The following ZNF345 variants were observed in gnomAD, a reference collection of about 807,000 sequenced individuals.
The protein encoded by ZNF345 is zinc finger protein HZF10.
For missense variants in ZNF345, 527 were observed against 589.9 expected, an observed-to-expected ratio of 0.89 and a Z score of 1.10; for synonymous variants, 166 against 187.9, an observed-to-expected ratio of 0.88 and a Z score of 0.95.
In ZNF345 at chr19:36,878,455, A is replaced by T. The variant is rs2072936963; in HGVS notation, c.*158A>T. Reference sequence around the variant, plus strand: ...TACAGGAAAAAAATCACCCCAAATAAAATAAATATTTGAAGATCCTTATCT... The same window carrying T: ...TACAGGAAAAAAATCACCCCAAATATAATAAATATTTGAAGATCCTTATCT... On this transcript the variant is annotated 3_prime_UTR_variant, in exon 3 of 3. Transcript: ENST00000420450. 1.9e-6 allele frequency: 1 copy of T among 537,056 alleles called. No individual in the cohort carries two copies. Among genetic ancestry groups the T allele is most frequent in the Admixed American group, 3.8e-5 (1 of 26,386 alleles). 33.3% of individuals were successfully genotyped at this position (537,056 alleles called of 1,614,324 possible). A position where few individuals can be genotyped will look rare whatever the true frequency, so the allele number is the denominator to read the frequency against.
intron 1 of ZNF345, chr19:36,851,296 AT>A (rs2072258032): frequency 6.6e-6 from 1 of 151,426 alleles, no homozygotes; most frequent in Non-Finnish European, 1.5e-5. Context: ...GTATGCCTTA[AT>A]TTTGAGGTTT....
chr19:36,892,939 G>A, exon 4 of ZNF345: 1 of 760,080 alleles, frequency 1.3e-6, no homozygotes. Flanking sequence ...CCATGGAGGA[G>A]GACAGGCCAG....
chr19:36,887,377 A>G (rs2073008231), intron 3 of ZNF345, among the ~76,000 whole-genome samples: 1 of 152,222 alleles, frequency 6.6e-6, no homozygotes, highest in African/African-American at 2.4e-5. Flanking sequence ...TAATGTACCA[A>G]TACTTGTTAA....
At chr19:36,889,477 AG>A (rs2073029930) in intron 3 of ZNF345, 3 of 152,120 alleles carry the variant, frequency 2.0e-5, no homozygotes, top group African/African-American at 7.2e-5. Context: ...TTCAATACTC[AG>A]TAGTCTGTTG....
intron 2 of ZNF345, among the ~76,000 whole-genome samples, chr19:36,871,196 G>A (rs2072764200): frequency 6.6e-6 from 1 of 152,084 alleles, no homozygotes; most frequent in Non-Finnish European, 1.5e-5. Context: ...CAGTCCTCTG[G>A]GTACTCTTTT....
At chr19:36,886,499 G>A (rs182310873) in intron 3 of ZNF345, among the ~76,000 whole-genome samples, 16 of 152,270 alleles carry the variant, frequency 1.1e-4, no homozygotes, top group South Asian at 4.1e-4. Flanking sequence ...AGATCTTAGC[G>A]GAGGAACATT....
intron 2 of ZNF345, among the ~76,000 whole-genome samples, chr19:36,863,209 T>C (rs1254571312): frequency 6.6e-6 from 1 of 152,152 alleles, no homozygotes; most frequent in Non-Finnish European, 1.5e-5. Flanking sequence ...TATGCTGAGA[T>C]TGGACCCTCA....
chr19:36,872,332 T>A (rs1287627001), intron 2 of ZNF345, among the ~76,000 whole-genome samples: 2 of 152,106 alleles, frequency 1.3e-5, no homozygotes, highest in East Asian at 1.9e-4. Flanking sequence ...TATGTTGAAA[T>A]TTTCCCCCCA....
rs559536753 is a variant in ZNF345 at position 36,878,381 on chromosome 19, A to G, written c.*84A>G. 6.8e-6 allele frequency: 9 copies of G among 1,323,448 alleles called. No homozygotes were observed. Among genetic ancestry groups the G allele is most frequent in the East Asian group, 4.7e-5 (2 of 42,788 alleles). The allele number at this position is 1,323,448 out of a possible 1,614,324, so 82.0% of individuals were successfully genotyped here. ...AAATCTCTACAAATAGAACTAAGGT[A>G]CAAATGCCTTACTTATGCTTCACAG... On this transcript the variant is annotated 3_prime_UTR_variant, in exon 3 of 3. Transcript: ENST00000420450.
chr19:36,873,770 C>T (rs547831), intron 2 of ZNF345, among the ~76,000 whole-genome samples: 12,410 of 151,622 alleles, frequency 0.082, 1,419 homozygotes, highest in African/African-American at 0.26. Context: ...CGTAGCATAA[C>T]GTCCTCCAGT....
downstream of ZNF345, among the ~76,000 whole-genome samples, chr19:36,881,601 G>A (rs1047850197): frequency 2.6e-5 from 4 of 152,042 alleles, no homozygotes; most frequent in African/African-American, 9.7e-5. Flanking sequence ...AAGAGCAAAA[G>A]ATGAAAATAT....
chr19:36,888,985 T>G (rs2073024725), intron 3 of ZNF345: 1 of 152,238 alleles, frequency 6.6e-6, no homozygotes, highest in South Asian at 2.1e-4. Context: ...TCAGCCAGAC[T>G]GGTCTCAAAC....
At chr19:36,891,613 G>A in intron 3 of ZNF345, 2 of 1,613,674 alleles carry the variant, frequency 1.2e-6, no homozygotes, top group Non-Finnish European at 1.7e-6. Flanking sequence ...AGTAAGATTT[G>A]AGCCTTTATT....
At chr19:36,892,438 GATA>G (rs1283816851) in intron 3 of ZNF345, 1 of 1,599,032 alleles carries the variant, frequency 6.3e-7, no homozygotes, top group African/African-American at 1.3e-5. Flanking sequence ...CTTCTTTAGA[GATA>G]ATATTTTGGT....
chr19:36,876,912 C>G lies in ZNF345; in HGVS notation c.82C>G (p.Gln28Glu). Residue 28 changes from glutamine to glutamate, a missense_variant, in exon 3 of 3, where the codon CAG (glutamine) becomes GAG (glutamate). Gln to Glu is a conservative substitution (Grantham distance 29). Coordinates refer to ENST00000420450, the MANE Select transcript of ZNF345 (RefSeq NM_001242472.2). ...ATGTAAAAACCAGTTTGAGAGAAAA[C>G]AGGGATCTCAGGAAGGACATTTCAG... is the stretch of plus-strand genomic sequence containing the variant. Reference protein sequence around the residue: ...WECKNQFERKQGSQEGHFSEM... With the variant: ...WECKNQFERKEGSQEGHFSEM... 6.2e-7 allele frequency: 1 copy of G among 1,614,020 alleles called. No individual in the cohort carries two copies. The highest frequency in any genetic ancestry group is 8.5e-7 in the Non-Finnish European group (1 of 1,179,954).
At chr19:36,892,688 A>G in intron 3 of ZNF345, 1 of 618,242 alleles carries the variant, frequency 1.6e-6, no homozygotes, top group Non-Finnish European at 2.7e-6. Flanking sequence ...GATGACCTCT[A>G]TGATCCTCAA....
chr19:36,868,193 A>G (rs1393327432), intron 2 of ZNF345, among the ~76,000 whole-genome samples: 1 of 152,038 alleles, frequency 6.6e-6, no homozygotes, highest in African/African-American at 2.4e-5. Context: ...TAGTAGAGAC[A>G]GGGTTTTACC....
chr19:36,852,376 G>A (rs1185049126), intron 2 of ZNF345, among the ~76,000 whole-genome samples: 1 of 151,922 alleles, frequency 6.6e-6, no homozygotes, highest in African/African-American at 2.4e-5. Flanking sequence ...ACTTTGGGGG[G>A]CCAAGGCGGG....
chr19:36,876,700 AG>A, intron 2 of ZNF345, 84 bp from the exon 3 acceptor site: 1 of 862,320 alleles, frequency 1.2e-6, no homozygotes, highest in Non-Finnish European at 1.7e-6. Context: ...ATTAAATTGT[AG>A]TTAAGTCTTT....
Sources: gnomAD v4.1 joint callset for allele counts (sites outside exome capture counted in the v4.1 genomes callset) on GRCh38, gnomAD v4.1.1 for gene constraint, MANE v1.5 for transcripts, NCBI Gene and HGNC (gene_info 2026-07-23, HGNC 2026-07-21) for gene names.